Variants in ATP9B observed in about 807,000 individuals in gnomAD.
ATP9B encodes probable phospholipid-transporting ATPase IIB.
In ATP9B, 110 loss-of-function variants were observed where a neutral mutation model predicts 146.1. That is an observed-to-expected ratio of 0.75 (90% CI 0.65 to 0.88). ATP9B has a LOEUF of 0.88. Among genes scored for constraint, ATP9B ranks in the 40% least tolerant of loss-of-function variants. The probability of loss-of-function intolerance (pLI) is 0.00; values close to 1 mark genes in which losing one functional copy is unlikely to be tolerated. For missense variants in ATP9B, 1,499 were observed against 1,496.4 expected, an observed-to-expected ratio of 1.00 and a Z score of -0.03; for synonymous variants, 604 against 569.7, an observed-to-expected ratio of 1.06 and a Z score of -0.86.
chr18:79,162,922 C>T (rs2094905794), intron 7 of ATP9B, among the ~76,000 whole-genome samples: 1 of 152,132 alleles, frequency 6.6e-6, no homozygotes, highest in Non-Finnish European at 1.5e-5. Context: ...CTTGATGCAC[C>T]CTCCTATGTG....
rs2074801231 is a variant in ATP9B, at chr18:79,096,607, T to C, written c.251T>C (p.Leu84Pro). The C allele has an allele frequency of 1.2e-6, 2 of 1,613,876 alleles. No homozygotes were observed. Among genetic ancestry groups the C allele is most frequent in the African/African-American group, 1.3e-5 (1 of 74,918 alleles). The change falls in exon 2 of 30, where the codon CTG (leucine) becomes CCG (proline). Residue 84 changes from leucine (L) to proline (P), a missense_variant. By Grantham distance (98) the Leu-to-Pro change is moderately conservative. Coordinates refer to ENST00000426216, the MANE Select transcript of ATP9B (RefSeq NM_198531.5). ...AGGATAATGCAAAGGAAAAGAGGAC[T>C]GGAGTGGTTTGTCTGTGATGGCTGG... is the stretch of plus-strand genomic sequence containing the variant. Reference protein sequence around the residue: ...RARIMQRKRGLEWFVCDGWKF... With the variant: ...RARIMQRKRGPEWFVCDGWKF...
At chr18:79,328,564 G>T (rs914752175) in intron 15 of ATP9B, among the ~76,000 whole-genome samples, 2 of 152,188 alleles carry the variant, frequency 1.3e-5, no homozygotes, top group African/African-American at 4.8e-5. Context: ...CCTGGCCACA[G>T]GAGTTCCGAC....
At chr18:79,131,724 A>C (rs571019964) in intron 5 of ATP9B, among the ~76,000 whole-genome samples, 2 of 152,224 alleles carry the variant, frequency 1.3e-5, no homozygotes, top group Admixed American at 1.3e-4. Context: ...TCACTAAAAG[A>C]TGAGTGGATA....
intron 13 of ATP9B, among the ~76,000 whole-genome samples, chr18:79,285,965 C>G (rs1388301099): frequency 6.7e-6 from 1 of 149,768 alleles, no homozygotes; most frequent in Non-Finnish European, 1.5e-5. Context: ...CTGTTATGTT[C>G]CATTGATCTA....
intron 26 of ATP9B, among the ~76,000 whole-genome samples, chr18:79,366,230 CTCTG>C (rs2097027785): frequency 6.6e-6 from 1 of 152,232 alleles, no homozygotes; most frequent in South Asian, 2.1e-4. Flanking sequence ...GTGGAAGCTG[CTCTG>C]TCTGGCGCGG....
At chr18:79,145,135 G>A (rs1172614275) in intron 6 of ATP9B, 4 of 154,872 alleles carry the variant, frequency 2.6e-5, no homozygotes, top group African/African-American at 5.5e-5. Flanking sequence ...GGGAGCCGGC[G>A]GTGTGCAGAG....
At chr18:79,340,906 ACCCTGACTGTGTG>A (rs1267231902) in intron 19 of ATP9B, among the ~76,000 whole-genome samples, 1 of 152,190 alleles carries the variant, frequency 6.6e-6, no homozygotes, top group African/African-American at 2.4e-5. Context: ...AGCCTGGCAA[ACCCTGACTGTGTG>A]CCGCCTTGGC....
intron 1 of ATP9B, among the ~76,000 whole-genome samples, chr18:79,083,635 C>G (rs544213412): frequency 6.6e-6 from 1 of 152,236 alleles, no homozygotes; most frequent in South Asian, 2.1e-4. Flanking sequence ...CACAGTCCCT[C>G]AGTGCTTCCC....
chr18:79,286,235 T>C (rs886111768), intron 13 of ATP9B, among the ~76,000 whole-genome samples: 8 of 152,156 alleles, frequency 5.3e-5, no homozygotes, highest in Non-Finnish European at 1.2e-4. Flanking sequence ...TGATATTGAT[T>C]CTTCCTACCC....
chr18:79,074,971 C>T (rs2072427622), intron 1 of ATP9B, among the ~76,000 whole-genome samples: 1 of 152,186 alleles, frequency 6.6e-6, no homozygotes, highest in African/African-American at 2.4e-5. Flanking sequence ...TAACTATTCT[C>T]TGGCTTTTGA....
intron 7 of ATP9B, among the ~76,000 whole-genome samples, chr18:79,162,678 G>T (rs989862019): frequency 6.6e-6 from 1 of 151,568 alleles, no homozygotes; most frequent in Non-Finnish European, 1.5e-5. Context: ...TTCATGCAGA[G>T]TCATTAAATC....
At chr18:79,348,954 A>G (rs2147597324) in intron 25 of ATP9B, among the ~76,000 whole-genome samples, 1 of 152,374 alleles carries the variant, frequency 6.6e-6, no homozygotes, top group East Asian at 1.9e-4. Flanking sequence ...ATTGCACTCC[A>G]GCTTGGGCAA....
intron 11 of ATP9B, among the ~76,000 whole-genome samples, chr18:79,219,864 G>A (rs1273065370): frequency 6.6e-6 from 1 of 152,200 alleles, no homozygotes; most frequent in Non-Finnish European, 1.5e-5. Context: ...GATGCAACAT[G>A]GTAAGACTTT....
Position 79,193,173 on chromosome 18 carries a change from T to G in ATP9B, c.874-10T>G, listed in dbSNP as rs2095385098. On this transcript the variant is annotated splice_polypyrimidine_tract_variant and intron_variant, in intron 8 of 29. Coordinates refer to ENST00000426216, the MANE Select transcript of ATP9B (RefSeq NM_198531.5). ...AACATTCTAATCGATTCAAATGTTC[T>G]GTATTCCAGGACCTTTTTTCTATCA... The G allele has an allele frequency of 1.3e-6, 2 of 1,574,150 alleles. No individual in the cohort carries two copies. Among genetic ancestry groups the G allele is most frequent in the Admixed American group, 3.4e-5 (2 of 58,940 alleles).
chr18:79,268,497 G>A (rs1293453910), intron 12 of ATP9B, among the ~76,000 whole-genome samples: 2 of 152,006 alleles, frequency 1.3e-5, no homozygotes, highest in Admixed American at 6.5e-5. Context: ...AGTTATGTAA[G>A]TGGTTTCTGT....
chr18:79,267,636 C>G (rs1250858635), intron 12 of ATP9B, among the ~76,000 whole-genome samples: 1 of 152,016 alleles, frequency 6.6e-6, no homozygotes, highest in African/African-American at 2.4e-5. Flanking sequence ...TATTTCTTAT[C>G]TTAATTTATA....
At chr18:79,274,749 T>C (rs1443317222) in intron 12 of ATP9B, among the ~76,000 whole-genome samples, 1 of 152,236 alleles carries the variant, frequency 6.6e-6, no homozygotes, top group Non-Finnish European at 1.5e-5. Context: ...TTTTTCATCC[T>C]GAAGATGATC....
intron 16 of ATP9B, 32 bp downstream of exon 16, chr18:79,329,334 C>T (rs1885739084): frequency 6.6e-7 from 1 of 1,513,292 alleles, no homozygotes; most frequent in Non-Finnish European, 8.9e-7. Flanking sequence ...CACGCGATGG[C>T]TTCAGACATT....
intron 1 of ATP9B, among the ~76,000 whole-genome samples, chr18:79,089,933 T>C (rs1223273006): frequency 6.6e-6 from 1 of 152,204 alleles, no homozygotes; most frequent in African/African-American, 2.4e-5. Context: ...TCCACTACCC[T>C]TCCCAGCCTC....
Sources: gnomAD v4.1 joint callset for allele counts (sites outside exome capture counted in the v4.1 genomes callset) on GRCh38, gnomAD v4.1.1 for gene constraint, MANE v1.5 for transcripts, NCBI Gene and HGNC (gene_info 2026-07-23, HGNC 2026-07-21) for gene names.